Variants in FLOT2 observed in about 807,000 individuals in gnomAD.
FLOT2 encodes flotillin-2.
In FLOT2, 35 loss-of-function variants were observed where a neutral mutation model predicts 54.9. The ratio of observed to expected loss-of-function variants is 0.64; its 90% CI spans 0.49 to 0.84. FLOT2 has a LOEUF of 0.84. Ranked by LOEUF, FLOT2 falls within the 40% of genes least tolerant of loss-of-function variation. The pLI is 0.00. For missense variants in FLOT2, 464 were observed against 572.1 expected (o/e 0.81, Z 1.93); for synonymous variants, 207 against 228.9 (o/e 0.90, Z 0.86).
chr17:28,889,059 C>G (rs763921182), intron 1 of FLOT2, 33 bp from the exon 2 acceptor site: 1 of 1,596,968 alleles, frequency 6.3e-7, no homozygotes. Flanking sequence ...GCAAGTCAGT[C>G]GGTTCTTGGG....
Position 28,879,597 on chromosome 17 carries a change from G to A in FLOT2, c.*964C>T. 1.0e-6 allele frequency: 1 copy of A among 985,902 alleles called. No individual in the cohort carries two copies. Among genetic ancestry groups the A allele is most frequent in the Non-Finnish European group, 1.2e-6 (1 of 830,050 alleles). The allele number at this position is 985,902 out of a possible 1,614,324, so 61.1% of individuals were successfully genotyped here. A position where few individuals can be genotyped will look rare whatever the true frequency, so the allele number is the denominator to read the frequency against. ...CCCATGGCTGGAACCCCATCACTCT[G>A]GCCAGGAAGAAAGATGGCACAAGGG... On this transcript the variant is annotated 3_prime_UTR_variant, in exon 11 of 11. Coordinates refer to ENST00000394908, the MANE Select transcript of FLOT2 (RefSeq NM_004475.3).
rs577711611 is a variant in FLOT2, at chr17:28,886,066, G to A, written c.132-1751C>T. On this transcript the variant is annotated intron_variant, in intron 2 of 10. Transcript: ENST00000394908. ...TGCCTGACGCCTGGGGGCGGGGGGG[G>A]GCATGCTGTCAGTAATCCAACCCCC... is the stretch of plus-strand genomic sequence containing the variant. 8.2e-5 allele frequency: 48 copies of A among 588,920 alleles called. 2 individuals carry two copies. The East Asian group carries it at 1.0e-3, about 12-fold the overall frequency. The allele number at this position is 588,920 out of a possible 1,614,324, so 36.5% of individuals were successfully genotyped here. A position where few individuals can be genotyped will look rare whatever the true frequency, so the allele number is the denominator to read the frequency against.
intron 1 of FLOT2, among the ~76,000 whole-genome samples, chr17:28,893,615 C>T (rs2039690121): frequency 6.6e-6 from 1 of 152,108 alleles, no homozygotes; most frequent in Admixed American, 6.5e-5. Context: ...GAGAGACCCT[C>T]TCATATTGTT....
In FLOT2 at chr17:28,884,450, G is replaced by A; in HGVS notation, c.132-135C>T. On this transcript the variant is annotated intron_variant, in intron 2 of 10. Transcript: ENST00000394908. The surrounding 1 kb of genome is among the most constrained non-coding windows in gnomAD (Gnocchi z 5.1). ...GAGGGAGGACTCTCCACGGGGCTGA[G>A]ATGGGAGTGTCTGAGAAGGAGGTGG... 1 of 612,474 alleles carries A rather than the reference G, an allele frequency of 1.6e-6. No homozygotes were observed. Among genetic ancestry groups the A allele is most frequent in the South Asian group, 1.9e-5 (1 of 52,176 alleles). The allele number at this position is 612,474 out of a possible 1,614,324, so 37.9% of individuals were successfully genotyped here.
chr17:28,886,972 C>T (rs8081659), intron 2 of FLOT2, among the ~76,000 whole-genome samples: 58,116 of 151,642 alleles, frequency 0.38, 12,658 homozygotes, highest in Non-Finnish European at 0.49. Flanking sequence ...CAGACAGGAA[C>T]CCACCAAGCT....
chr17:28,881,845 G>GGGCCTC lies in FLOT2; in HGVS notation c.877_882dup (p.Glu293_Ala294dup), dbSNP rs758712818. 1.4e-5 allele frequency: 22 copies of GGGCCTC among 1,613,462 alleles called. No homozygotes were observed. The highest frequency in any genetic ancestry group is 2.2e-5 in the East Asian group (1 of 44,904). Reference sequence around the variant, plus strand: ...CCCTCGGCAATCTGCTGGATGCGGTGGGCCTCGGCCTCGGCAGGCCGGCGC... The same window carrying GGGCCTC: ...CCCTCGGCAATCTGCTGGATGCGGTGGGCCTCGGCCTCGGCCTCGGCAGGCCGGCGC... On this transcript the variant is annotated inframe_insertion, in exon 8 of 11. Coordinates refer to ENST00000394908, the MANE Select transcript of FLOT2 (RefSeq NM_004475.3).
In FLOT2 at chr17:28,888,347, C is replaced by T. The variant is rs114471547; in HGVS notation, c.131+598G>A. ...CTCTGGGGAGCTGAAATCTCACTTCCTCTAGTAAGTCTTTCCAGACTGATT... is the reference window on the plus strand; with the variant it reads ...CTCTGGGGAGCTGAAATCTCACTTCTTCTAGTAAGTCTTTCCAGACTGATT... On this transcript the variant is annotated intron_variant, in intron 2 of 10. Transcript: ENST00000394908. Among the ~76,000 whole-genome samples the T allele has an allele frequency of 4.2e-3, 645 of 152,344 alleles. 8 individuals carry two copies. Among genetic ancestry groups the T allele is most frequent in the African/African-American group, 0.015 (627 of 41,584 alleles).
At chr17:28,889,511 T>C (rs2039608364) in intron 1 of FLOT2, among the ~76,000 whole-genome samples, 1 of 151,984 alleles carries the variant, frequency 6.6e-6, no homozygotes, top group African/African-American at 2.4e-5. Context: ...TTTGTATTTT[T>C]AGTACAGACA....
chr17:28,885,131 G>A (rs1166104405), intron 2 of FLOT2, among the ~76,000 whole-genome samples: 1 of 152,190 alleles, frequency 6.6e-6, no homozygotes, highest in Admixed American at 6.5e-5. Context: ...GCATCAAATA[G>A]AGTATTGAAG....
chr17:28,887,052 A>G (rs74564827), intron 2 of FLOT2, among the ~76,000 whole-genome samples: 12,103 of 151,962 alleles, frequency 0.08, 1,637 homozygotes, highest in African/African-American at 0.28. Flanking sequence ...GGGAGGGAAG[A>G]AGGGAGGCTG....
At chr17:28,894,159 T>C (rs184239428) in intron 1 of FLOT2, among the ~76,000 whole-genome samples, 1 of 152,170 alleles carries the variant, frequency 6.6e-6, no homozygotes, top group Non-Finnish European at 1.5e-5. Context: ...TGTGAGCCAG[T>C]GTGTCCAGCC....
In FLOT2 at chr17:28,880,179, C is replaced by T. The variant is rs1214430507; in HGVS notation, c.*382G>A. ...GGGCCATAGGGAGGATGGACAGATG[C>T]ACAGAGAACTTCAAGGCACCAGGAT... On this transcript the variant is annotated 3_prime_UTR_variant, in exon 11 of 11. Coordinates refer to ENST00000394908, the MANE Select transcript of FLOT2 (RefSeq NM_004475.3). 9.0e-7 allele frequency: 1 copy of T among 1,111,046 alleles called. No individual in the cohort carries two copies. The highest frequency in any genetic ancestry group is 1.1e-6 in the Non-Finnish European group (1 of 905,070). 68.8% of individuals were successfully genotyped at this position (1,111,046 alleles called of 1,614,324 possible).
chr17:28,884,072 G>C lies in FLOT2; in HGVS notation c.222+153C>G, dbSNP rs1018641367. Among the ~76,000 whole-genome samples, 1 of 152,170 alleles carries C rather than the reference G, an allele frequency of 6.6e-6. No homozygotes were observed. The highest frequency in any genetic ancestry group is 6.5e-5 in the Admixed American group (1 of 15,276). The stretch of plus-strand genomic sequence containing the variant: ...GGCCCGGTGAGCATGTTCCAGTGGC[G>C]ACGACCTGACTAGCCCTCTCTTGTG... On this transcript the variant is annotated intron_variant, in intron 3 of 10. Coordinates refer to ENST00000394908, the MANE Select transcript of FLOT2 (RefSeq NM_004475.3). The surrounding 1 kb of genome is among the most constrained non-coding windows in gnomAD (Gnocchi z 5.1).
intron 8 of FLOT2, 120 bp from the exon 9 acceptor site, chr17:28,881,495 G>T: frequency 9.4e-7 from 1 of 1,064,164 alleles, no homozygotes; most frequent in Non-Finnish European, 1.4e-6. Flanking sequence ...GGGAGACATT[G>T]GAACGGAGTG....
At chr17:28,891,479 C>T (rs912805920) in intron 1 of FLOT2, among the ~76,000 whole-genome samples, 3 of 152,246 alleles carry the variant, frequency 2.0e-5, no homozygotes, top group Non-Finnish European at 2.9e-5. Context: ...AGACTGGTCT[C>T]TTGCAGTAAT....
intron 1 of FLOT2, among the ~76,000 whole-genome samples, chr17:28,891,637 T>G (rs2039653087): frequency 6.6e-6 from 1 of 152,240 alleles, no homozygotes; most frequent in Non-Finnish European, 1.5e-5. Context: ...ATGACTGTTG[T>G]GCACTTCAAA....
At position 28,884,293 on chromosome 17, in the gene FLOT2, A is replaced by C; in HGVS notation, c.154T>G (p.Leu52Val). The C allele has an allele frequency of 6.2e-7, 1 of 1,612,598 alleles. No individual in the cohort carries two copies. Among genetic ancestry groups the C allele is most frequent in the Non-Finnish European group, 8.5e-7 (1 of 1,179,270 alleles). ...TQRISLEIMT[L>V]QPRCEDVETA... Reference sequence around the variant, plus strand: ...TCTACGTCCTCGCAGCGGGGCTGCAACGTCATAATCTCTAGGGAAATCCTG... The same window carrying C: ...TCTACGTCCTCGCAGCGGGGCTGCACCGTCATAATCTCTAGGGAAATCCTG... The change falls in exon 3 of 11, where the codon TTG (leucine) becomes GTG (valine). Residue 52 changes from leucine to valine, a missense_variant. Physicochemically the swap from Leu to Val is conservative, Grantham distance 32. Transcript: ENST00000394908. This position sits in a 1 kb window ranked among gnomAD's most constrained non-coding sequence, Gnocchi z 5.1.
rs777998416 is a variant in FLOT2, at chr17:28,882,540, C to T, written c.465+33G>A. On this transcript the variant is annotated intron_variant, in intron 5 of 10. Transcript: ENST00000394908. The surrounding 1 kb of genome is among the most constrained non-coding windows in gnomAD (Gnocchi z 5.6). The stretch of plus-strand genomic sequence containing the variant: ...ACAAAGCCACCATCTCCCAGATGGA[C>T]GCCAGGAGATACAGCTTCCCATCAC... The T allele has an allele frequency of 4.9e-5, 77 of 1,576,902 alleles. 1 individual carries two copies. The highest frequency in any genetic ancestry group is 3.8e-4 in the South Asian group (34 of 90,424).
intron 2 of FLOT2, chr17:28,886,066 G>GGGGGGGGGGGT: frequency 1.7e-6 from 1 of 588,928 alleles, no homozygotes. Flanking sequence ...GGCGGGGGGG[G>GGGGGGGGGGGT]GCATGCTGTC....
Sources: gnomAD v4.1 joint callset for allele counts (sites outside exome capture counted in the v4.1 genomes callset) on GRCh38, gnomAD v4.1.1 for gene constraint, Gnocchi (gnomAD v3.1) non-coding constraint, MANE v1.5 for transcripts, NCBI Gene and HGNC (gene_info 2026-07-23, HGNC 2026-07-21) for gene names.